ZNF483: variants seen among roughly 807,000 people sequenced by gnomAD.
The protein encoded by ZNF483 is zinc finger protein HIT-10.
Under a neutral mutation model 28.6 loss-of-function variants are expected in ZNF483, and 9 were observed. That is an observed-to-expected ratio of 0.32 (90% CI 0.19 to 0.55). The LOEUF (loss-of-function observed/expected upper bound fraction) is 0.55. ZNF483 is among the 20% of genes least tolerant of loss of function. ZNF483 has a pLI of 0.93. For missense variants in ZNF483, 675 were observed against 871.7 expected (o/e 0.77, Z 2.84); for synonymous variants, 322 against 306.2 (o/e 1.05, Z -0.54).
downstream of ZNF483, among the ~76,000 whole-genome samples, chr9:111,559,454 G>T (rs746429316): frequency 6.6e-6 from 1 of 151,872 alleles, no homozygotes; most frequent in East Asian, 1.9e-4. Context: ...CTTCACTGTT[G>T]TTGGGCTCTG....
chr9:111,543,679 TAA>T lies in ZNF483; in HGVS notation c.*510_*511del, dbSNP rs1827729355. The T allele has an allele frequency of 1.0e-6, 1 of 979,498 alleles. No homozygotes were observed. The highest frequency in any genetic ancestry group is 4.7e-5 in the South Asian group (1 of 21,196). The allele number at this position is 979,498 out of a possible 1,614,324, so 60.7% of individuals were successfully genotyped here. A position where few individuals can be genotyped will look rare whatever the true frequency, so the allele number is the denominator to read the frequency against. On this transcript the variant is annotated 3_prime_UTR_variant, in exon 6 of 6. Coordinates refer to ENST00000309235, the MANE Select transcript of ZNF483 (RefSeq NM_133464.5). The stretch of plus-strand genomic sequence containing the variant: ...CTGATAATCTCTGAAGCTGTGGACA[TAA>T]GTTATTTTTTTTTATTTGTCATTAC...
chr9:111,540,262 A>G (rs1827640838), intron 5 of ZNF483, among the ~76,000 whole-genome samples: 2 of 152,236 alleles, frequency 1.3e-5, no homozygotes, highest in South Asian at 4.1e-4. Context: ...TAAACTATAT[A>G]GAAACATTGA....
In ZNF483 at chr9:111,549,827, CTT is replaced by C. The variant is rs1185546639; in HGVS notation, c.*6659_*6660del. On this transcript the variant is annotated 3_prime_UTR_variant, in exon 6 of 6. Coordinates refer to ENST00000309235, the MANE Select transcript of ZNF483 (RefSeq NM_133464.5). ...GTCAACACAATCAGAACATTTAGCT[CTT>C]TGAGCATCTTTAAGGCAGTTGCTTT... The C allele has an allele frequency of 4.3e-6, 6 of 1,393,818 alleles. No homozygotes were observed. The highest frequency in any genetic ancestry group is 6.0e-6 in the Non-Finnish European group (6 of 1,005,690). The allele number at this position is 1,393,818 out of a possible 1,614,324, so 86.3% of individuals were successfully genotyped here. A position where few individuals can be genotyped will look rare whatever the true frequency, so the allele number is the denominator to read the frequency against.
downstream of ZNF483, among the ~76,000 whole-genome samples, chr9:111,558,392 T>C (rs1447414864): frequency 1.3e-5 from 2 of 151,960 alleles, no homozygotes; most frequent in African/African-American, 4.8e-5. Context: ...TATAAGATGC[T>C]CCAGGCTGGG....
At position 111,546,956 on chromosome 9, in the gene ZNF483, G is replaced by A. The variant is rs749934428; in HGVS notation, c.*3786G>A. ...ATACAATATTTGCCCTGTTGTGTTT[G>A]GCTTATTCCACTTAGCATTATGTTT... On this transcript the variant is annotated 3_prime_UTR_variant, in exon 6 of 6. Coordinates refer to ENST00000309235, the MANE Select transcript of ZNF483 (RefSeq NM_133464.5). 3.9e-5 allele frequency among the ~76,000 whole-genome samples: 6 copies of A among 152,070 alleles called. No individual in the cohort carries two copies. Among genetic ancestry groups the A allele is most frequent in the Non-Finnish European group, 7.4e-5 (5 of 67,984 alleles).
rs1023014851 is a variant in ZNF483 at position 111,563,368 on chromosome 9, A to C, written c.722-12997A>C. 3 of 844,698 alleles carry C rather than the reference A, an allele frequency of 3.6e-6. No individual in the cohort carries two copies. The African/African-American group carries it at 5.1e-5, about 14-fold the overall frequency. The allele number at this position is 844,698 out of a possible 1,614,324, so 52.3% of individuals were successfully genotyped here. A position where few individuals can be genotyped will look rare whatever the true frequency, so the allele number is the denominator to read the frequency against. On this transcript the variant is annotated intron_variant, in intron 5 of 5. Transcript: ENST00000358151. Reference sequence around the variant, plus strand: ...AGAGATGGAAGTCCTGTCCTCCATGAACTTGAAGTCAAGGTGGGGCAAGAT... The same window carrying C: ...AGAGATGGAAGTCCTGTCCTCCATGCACTTGAAGTCAAGGTGGGGCAAGAT...
chr9:111,570,232 G>A, intron 5 of ZNF483: 1 of 1,605,886 alleles, frequency 6.2e-7, no homozygotes, highest in Non-Finnish European at 8.5e-7. Flanking sequence ...GGGCACATTT[G>A]GGTGGCAGGA....
intron 5 of ZNF483, among the ~76,000 whole-genome samples, chr9:111,537,859 TCAAA>T (rs1005133909): frequency 5.9e-5 from 9 of 152,136 alleles, no homozygotes; most frequent in South Asian, 2.1e-4. Flanking sequence ...ACTCCTGGGC[TCAAA>T]CAAACTGTTT....
chr9:111,569,998 A>C, intron 5 of ZNF483: 1 of 1,572,310 alleles, frequency 6.4e-7, no homozygotes, highest in East Asian at 2.3e-5. Flanking sequence ...GATGCGGCAG[A>C]GATGGGGAAG....
At chr9:111,556,080 G>A (rs568816624), downstream of ZNF483, among the ~76,000 whole-genome samples, 13 of 152,356 alleles carry the variant, frequency 8.5e-5, no homozygotes, top group Middle Eastern at 6.8e-3. Flanking sequence ...CAGACACTGG[G>A]TAAATGCTCC....
chr9:111,541,981 G>T lies in ZNF483; in HGVS notation c.1046G>T (p.Arg349Leu), dbSNP rs201645923. 1.5e-5 allele frequency: 25 copies of T among 1,614,024 alleles called. No homozygotes were observed. Among genetic ancestry groups the T allele is most frequent in the Non-Finnish European group, 1.9e-5 (23 of 1,179,994 alleles). Residue 349 changes from arginine (R) to leucine (L), a missense_variant, in exon 6 of 6, where the codon CGC becomes CTC. By Grantham distance (102) the Arg-to-Leu change is moderately radical (BLOSUM62 -2). Transcript: ENST00000309235. ...FSFHSDLVLNRKEKTAGEKSR... is the reference protein window; with the variant it reads ...FSFHSDLVLNLKEKTAGEKSR... Reference sequence around the variant, plus strand: ...TTTCATTCAGACCTTGTTCTGAACCGCAAGGAGAAAACCGCCGGAGAAAAG... The same window carrying T: ...TTTCATTCAGACCTTGTTCTGAACCTCAAGGAGAAAACCGCCGGAGAAAAG...
chr9:111,567,159 G>C (rs1828600816), intron 5 of ZNF483, among the ~76,000 whole-genome samples: 1 of 151,902 alleles, frequency 6.6e-6, no homozygotes, highest in Admixed American at 6.6e-5. Context: ...ACTTAAAATA[G>C]GGCCATTTAA....
chr9:111,544,511 C>G lies in ZNF483; in HGVS notation c.*1341C>G, dbSNP rs1199806715. ...AGCTGGTCCTGGGTAGCAGCTGCCACCTTTTGATGGGGAATCAACTTTCTG... is the reference window on the plus strand; with the variant it reads ...AGCTGGTCCTGGGTAGCAGCTGCCAGCTTTTGATGGGGAATCAACTTTCTG... On this transcript the variant is annotated 3_prime_UTR_variant, in exon 6 of 6. Transcript: ENST00000309235. The G allele has an allele frequency of 3.5e-6, 1 of 285,516 alleles. No homozygotes were observed. The highest frequency in any genetic ancestry group is 5.3e-6 in the Non-Finnish European group (1 of 189,878). 17.7% of individuals were successfully genotyped at this position (285,516 alleles called of 1,614,324 possible).
chr9:111,542,400 C>T lies in ZNF483; in HGVS notation c.1465C>T (p.His489Tyr). 1 of 1,614,088 alleles carries T rather than the reference C, an allele frequency of 6.2e-7. No individual in the cohort carries two copies. The highest frequency in any genetic ancestry group is 8.5e-7 in the Non-Finnish European group (1 of 1,180,024). Residue 489 changes from histidine to tyrosine, a missense_variant, in exon 6 of 6, where the codon CAT becomes TAT. His to Tyr is a moderately conservative substitution (Grantham distance 83). Transcript: ENST00000309235. The surrounding 1 kb of genome is among the most constrained non-coding windows in gnomAD (Gnocchi z 6.2). Reference protein sequence around the residue: ...SSSLTPHHRTHSGEKPFKCDD... With the variant: ...SSSLTPHHRTYSGEKPFKCDD... ...ATCGCTCACACCACATCATAGAACT[C>T]ATAGTGGAGAGAAACCCTTCAAATG... is the stretch of plus-strand genomic sequence containing the variant.
downstream of ZNF483, among the ~76,000 whole-genome samples, chr9:111,559,329 TGG>T (rs1339537969): frequency 1.3e-5 from 2 of 152,112 alleles, no homozygotes; most frequent in Non-Finnish European, 2.9e-5. Flanking sequence ...CCATACTGTG[TGG>T]ACTTTGACTC....
chr9:111,548,854 A>G lies in ZNF483; in HGVS notation c.*5684A>G, dbSNP rs898444595. ...TTCTTTCTGCATTAAGAGTATAACA[A>G]CGCCACAGCCTTCTGGCTTCCAAGG... On this transcript the variant is annotated 3_prime_UTR_variant, in exon 6 of 6. Coordinates refer to ENST00000309235, the MANE Select transcript of ZNF483 (RefSeq NM_133464.5). 1.3e-5 allele frequency among the ~76,000 whole-genome samples: 2 copies of G among 151,978 alleles called. No homozygotes were observed. The highest frequency in any genetic ancestry group is 2.9e-5 in the Non-Finnish European group (2 of 68,010).
intron 5 of ZNF483, among the ~76,000 whole-genome samples, chr9:111,535,062 G>A (rs1359328576): frequency 6.6e-6 from 1 of 152,144 alleles, no homozygotes; most frequent in Non-Finnish European, 1.5e-5. Context: ...GGCCAAACAG[G>A]AGTCCTTGCC....
intron 5 of ZNF483, chr9:111,574,660 G>T (rs779921329): frequency 2.1e-5 from 20 of 951,678 alleles, no homozygotes; most frequent in Non-Finnish European, 3.0e-5. Context: ...AGAGTCACTG[G>T]CCTATGGCAT....
At position 111,550,450 on chromosome 9, in the gene ZNF483, G is replaced by T. The variant is rs1432694536; in HGVS notation, c.*7280G>T. ...AGAAATGTGGGGTTGTGTCTCCACAGCTGCCTGCCATGGAGTGGGTGGGGA... is the reference window on the plus strand; with the variant it reads ...AGAAATGTGGGGTTGTGTCTCCACATCTGCCTGCCATGGAGTGGGTGGGGA... On this transcript the variant is annotated 3_prime_UTR_variant, in exon 6 of 6. Coordinates refer to ENST00000309235, the MANE Select transcript of ZNF483 (RefSeq NM_133464.5). Among the ~76,000 whole-genome samples the T allele has an allele frequency of 6.6e-6, 1 of 152,194 alleles. No individual in the cohort carries two copies. The highest frequency in any genetic ancestry group is 1.9e-4 in the East Asian group (1 of 5,194).
Sources: allele counts gnomAD v4.1 joint callset (sites outside exome capture counted in the v4.1 genomes callset), GRCh38; gene constraint gnomAD v4.1.1; non-coding constraint Gnocchi (gnomAD v3.1); transcripts MANE v1.5; gene names NCBI Gene and HGNC (gene_info 2026-07-23, HGNC 2026-07-21).